Variants in WDR33 observed in about 807,000 individuals in gnomAD.
WDR33 encodes pre-mRNA 3' end processing protein WDR33.
Under a neutral mutation model 164.9 loss-of-function variants are expected in WDR33, and 47 were observed. The observed-to-expected ratio is 0.29, with a 90% CI of 0.23 to 0.36. WDR33 has a LOEUF of 0.36. Ranked by LOEUF, WDR33 falls within the 10% of genes least tolerant of loss-of-function variation. WDR33 has a pLI of 1.00. For missense variants in WDR33, 1,137 were observed against 1,754.1 expected (o/e 0.65, Z 6.28); for synonymous variants, 505 against 589.0 (o/e 0.86, Z 2.06).
chr2:127,764,110 T>A lies in WDR33; in HGVS notation c.626+718A>T, dbSNP rs543751589. On this transcript the variant is annotated intron_variant, in intron 6 of 21. Coordinates refer to ENST00000322313, the MANE Select transcript of WDR33 (RefSeq NM_018383.5). This position sits in a 1 kb window ranked among gnomAD's most constrained non-coding sequence, Gnocchi z 6.2. The stretch of plus-strand genomic sequence containing the variant: ...AATTCTTCAGGCTTGTATTTGGAAC[T>A]TTTTCCCCCAGTTTTACTATACATA... 1.0e-6 allele frequency: 1 copy of A among 989,104 alleles called. No homozygotes were observed. Among genetic ancestry groups the A allele is most frequent in the East Asian group, 1.1e-4 (1 of 8,952 alleles). 61.3% of individuals were successfully genotyped at this position (989,104 alleles called of 1,614,324 possible). A position where few individuals can be genotyped will look rare whatever the true frequency, so the allele number is the denominator to read the frequency against.
chr2:127,707,512 T>C (rs1193273845), intron 21 of WDR33, among the ~76,000 whole-genome samples: 1 of 152,214 alleles, frequency 6.6e-6, no homozygotes, highest in African/African-American at 2.4e-5. Flanking sequence ...TACTACATCA[T>C]TCCCATGCTA....
In WDR33 at chr2:127,764,178, T is replaced by C; in HGVS notation, c.626+650A>G. 9.8e-7 allele frequency: 1 copy of C among 1,024,010 alleles called. No homozygotes were observed. The highest frequency in any genetic ancestry group is 1.2e-6 in the Non-Finnish European group (1 of 855,598). 63.4% of individuals were successfully genotyped at this position (1,024,010 alleles called of 1,614,324 possible). A position where few individuals can be genotyped will look rare whatever the true frequency, so the allele number is the denominator to read the frequency against. Reference sequence around the variant, plus strand: ...AATATACAACTCACTGAAAATATTTTAAACTCCACTTATTGTATACATTTG... The same window carrying C: ...AATATACAACTCACTGAAAATATTTCAAACTCCACTTATTGTATACATTTG... On this transcript the variant is annotated intron_variant, in intron 6 of 21. Transcript: ENST00000322313. The surrounding 1 kb of genome is among the most constrained non-coding windows in gnomAD (Gnocchi z 6.2).
At chr2:127,802,494 C>A (rs1689282831) in intron 1 of WDR33, among the ~76,000 whole-genome samples, 1 of 151,990 alleles carries the variant, frequency 6.6e-6, no homozygotes, top group Non-Finnish European at 1.5e-5. Context: ...GTTGGCCAGG[C>A]TGGTCTCAAA....
chr2:127,794,038 C>G (rs1345811869), intron 1 of WDR33, among the ~76,000 whole-genome samples: 1 of 151,846 alleles, frequency 6.6e-6, no homozygotes, highest in African/African-American at 2.4e-5. Flanking sequence ...GTGGCTGAGG[C>G]GGGAGAATCA....
intron 7 of WDR33, among the ~76,000 whole-genome samples, chr2:127,760,047 C>A (rs575918908): frequency 1.3e-5 from 2 of 152,082 alleles, no homozygotes; most frequent in Admixed American, 6.5e-5. Flanking sequence ...TTTGGTATTC[C>A]CGTAGGCAAG....
At chr2:127,806,969 G>A (rs1434255368) in intron 1 of WDR33, among the ~76,000 whole-genome samples, 3 of 152,134 alleles carry the variant, frequency 2.0e-5, no homozygotes, top group African/African-American at 7.2e-5. Context: ...AGGCATATGG[G>A]TGTTCACTGT....
chr2:127,749,048 A>G (rs1376201946), intron 7 of WDR33, among the ~76,000 whole-genome samples: 1 of 152,220 alleles, frequency 6.6e-6, no homozygotes, highest in African/African-American at 2.4e-5. Flanking sequence ...GTACAAAACC[A>G]AAAATGTGGC....
chr2:127,761,473 T>G (rs1353034585), intron 7 of WDR33, among the ~76,000 whole-genome samples: 1 of 152,242 alleles, frequency 6.6e-6, no homozygotes, highest in East Asian at 1.9e-4. Flanking sequence ...GTGCTGGGAT[T>G]ACAGGCGTGA....
In WDR33 at chr2:127,714,090, C is replaced by G; in HGVS notation, c.2870-69G>C. 1 of 1,396,358 alleles carries G rather than the reference C, an allele frequency of 7.2e-7. No individual in the cohort carries two copies. Among genetic ancestry groups the G allele is most frequent in the Non-Finnish European group, 9.4e-7 (1 of 1,058,466 alleles). 86.5% of individuals were successfully genotyped at this position (1,396,358 alleles called of 1,614,324 possible). On this transcript the variant is annotated intron_variant, in intron 17 of 21. Coordinates refer to ENST00000322313, the MANE Select transcript of WDR33 (RefSeq NM_018383.5). This position sits in a 1 kb window ranked among gnomAD's most constrained non-coding sequence, Gnocchi z 4.3. ...CTGCCAACATAGGTCTGATCTGTAG[C>G]ATCTCTACATTTCAGAATACATTCT...
chr2:127,804,382 A>T (rs1438800340), intron 1 of WDR33, among the ~76,000 whole-genome samples: 1 of 152,216 alleles, frequency 6.6e-6, no homozygotes, highest in Non-Finnish European at 1.5e-5. Context: ...ATTCTGTGAG[A>T]TGTTACTGAG....
chr2:127,735,659 G>C lies in WDR33; in HGVS notation c.725-8882C>G. ...ACTTCTAGCCACAAGAACATAAAAT[G>C]TAACAGATCAGTTTAAGACAAAGGG... is the stretch of plus-strand genomic sequence containing the variant. On this transcript the variant is annotated intron_variant, in intron 7 of 21. Transcript: ENST00000322313. The surrounding 1 kb of genome is among the most constrained non-coding windows in gnomAD (Gnocchi z 4.3). The C allele has an allele frequency of 1.0e-6, 1 of 985,790 alleles. No homozygotes were observed. The highest frequency in any genetic ancestry group is 1.2e-6 in the Non-Finnish European group (1 of 829,910). 61.1% of individuals were successfully genotyped at this position (985,790 alleles called of 1,614,324 possible).
In WDR33 at chr2:127,723,381, G is replaced by C; in HGVS notation, c.1197-34C>G. On this transcript the variant is annotated intron_variant, in intron 11 of 21. Coordinates refer to ENST00000322313, the MANE Select transcript of WDR33 (RefSeq NM_018383.5). The surrounding 1 kb of genome is among the most constrained non-coding windows in gnomAD (Gnocchi z 5.9). ...ATAATTAAAGGAGAAAAGAAGCATG[G>C]CTTCACTATTTTTTTGGGCACTAAA... 6.3e-7 allele frequency: 1 copy of C among 1,591,552 alleles called. No individual in the cohort carries two copies. Among genetic ancestry groups the C allele is most frequent in the Non-Finnish European group, 8.6e-7 (1 of 1,161,966 alleles).
rs534061800 is a variant in WDR33 at position 127,766,953 on chromosome 2, T to G, written c.378+1236A>C. On this transcript the variant is annotated intron_variant, in intron 4 of 21. Coordinates refer to ENST00000322313, the MANE Select transcript of WDR33 (RefSeq NM_018383.5). ...TTTGTATTTTTAGTAAACACGAGGTTTCATCATATTGGTCAGGCTGGTCTC... is the reference window on the plus strand; with the variant it reads ...TTTGTATTTTTAGTAAACACGAGGTGTCATCATATTGGTCAGGCTGGTCTC... Among the ~76,000 whole-genome samples, 6 of 152,218 alleles carry G rather than the reference T, an allele frequency of 3.9e-5. No homozygotes were observed. The South Asian group carries it at 1.2e-3, about 32-fold the overall frequency.
intron 7 of WDR33, 175 bp downstream of exon 7, chr2:127,762,887 T>C (rs1284655616): frequency 7.1e-6 from 10 of 1,414,530 alleles, no homozygotes; most frequent in Non-Finnish European, 9.2e-6. Flanking sequence ...AGTAAAAACC[T>C]ACAAAATGAC....
At chr2:127,776,683 G>A (rs1688193639) in intron 1 of WDR33, among the ~76,000 whole-genome samples, 1 of 152,152 alleles carries the variant, frequency 6.6e-6, no homozygotes, top group Non-Finnish European at 1.5e-5. Context: ...GGGTGTCACA[G>A]TGAGACCCCA....
At chr2:127,761,472 T>A (rs1687675760) in intron 7 of WDR33, among the ~76,000 whole-genome samples, 1 of 152,214 alleles carries the variant, frequency 6.6e-6, no homozygotes, top group South Asian at 2.1e-4. Context: ...AGTGCTGGGA[T>A]TACAGGCGTG....
chr2:127,783,617 TTTTTTTTG>T lies in WDR33; in HGVS notation c.-23-12621_-23-12614del, dbSNP rs1195366734. On this transcript the variant is annotated intron_variant, in intron 1 of 21. Transcript: ENST00000322313. ...AGGACTCCTTTTTTTTTTTTTTTTT[TTTTTTTTG>T]AGACAGTCTCGCTCTGGTGCCCAGG... Among the ~76,000 whole-genome samples, 43 of 140,460 alleles carry T rather than the reference TTTTTTTTG, an allele frequency of 3.1e-4. No individual in the cohort carries two copies. In the South Asian group the frequency reaches 9.3e-3, roughly 30 times the overall value. 92.1% of individuals were successfully genotyped at this position (140,460 alleles called of 152,430 possible).
At chr2:127,791,782 T>C (rs939981042) in intron 1 of WDR33, among the ~76,000 whole-genome samples, 7 of 152,208 alleles carry the variant, frequency 4.6e-5, no homozygotes, top group Non-Finnish European at 1.0e-4. Context: ...AATTGTCTTT[T>C]TTCTTTTCAA....
chr2:127,776,149 G>T (rs1048925425), intron 1 of WDR33, among the ~76,000 whole-genome samples: 5 of 152,144 alleles, frequency 3.3e-5, no homozygotes, highest in Admixed American at 6.6e-5. Flanking sequence ...CAATCTAACT[G>T]GTATCCTTTT....
Sources: allele counts gnomAD v4.1 joint callset (sites outside exome capture counted in the v4.1 genomes callset), GRCh38; gene constraint gnomAD v4.1.1; non-coding constraint Gnocchi (gnomAD v3.1); transcripts MANE v1.5; gene names NCBI Gene and HGNC (gene_info 2026-07-23, HGNC 2026-07-21).